Variants in COL11A1 observed in about 807,000 individuals in gnomAD.
The protein encoded by COL11A1 is collagen type XI alpha 1 chain.
In COL11A1, 74 loss-of-function variants were observed where a neutral mutation model predicts 265.2. The observed-to-expected ratio is 0.28, with a 90% CI of 0.23 to 0.34. The LOEUF is 0.34. COL11A1 is among the 10% of genes least tolerant of loss of function. The pLI, the probability that COL11A1 is intolerant of heterozygous loss-of-function variation, is 1.00. For synonymous variants in COL11A1, 816 were observed against 727.6 expected, an observed-to-expected ratio of 1.12 and a Z score of -1.96; for missense variants, 2,165 against 2,263.6, an observed-to-expected ratio of 0.96 and a Z score of 0.88.
At chr1:102,890,974 G>C (rs573046606) in intron 57 of COL11A1, among the ~76,000 whole-genome samples, 1 of 152,106 alleles carries the variant, frequency 6.6e-6, no homozygotes, top group Non-Finnish European at 1.5e-5. Context: ...TTAATACACT[G>C]TTTGGTTTGT....
intron 4 of COL11A1, among the ~76,000 whole-genome samples, chr1:103,045,722 C>T (rs1306494943): frequency 2.6e-5 from 4 of 151,902 alleles, no homozygotes; most frequent in Non-Finnish European, 5.9e-5. Flanking sequence ...CACCCACTAA[C>T]TCCTCATTTA....
At chr1:103,018,952 T>C (rs1229296228) in intron 9 of COL11A1, 93 bp from the exon 10 acceptor site, 6 of 980,870 alleles carry the variant, frequency 6.1e-6, no homozygotes, top group Non-Finnish European at 8.0e-6. Context: ...TCATTGCATA[T>C]TAAATAGTGA....
At chr1:102,920,578 T>C (rs185559366) in intron 48 of COL11A1, among the ~76,000 whole-genome samples, 15 of 152,284 alleles carry the variant, frequency 9.9e-5, no homozygotes, top group African/African-American at 3.6e-4. Context: ...TTCACTATAA[T>C]TTTGAAGATA....
Position 103,005,197 on chromosome 1 carries a change from TC to T in COL11A1, c.1846-537del, listed in dbSNP as rs1420630270. 6.6e-5 allele frequency among the ~76,000 whole-genome samples: 10 copies of T among 152,266 alleles called. No individual in the cohort carries two copies. The East Asian group carries it at 1.7e-3, about 26-fold the overall frequency. On this transcript the variant is annotated intron_variant, in intron 18 of 66. Transcript: ENST00000370096. Reference sequence around the variant, plus strand: ...GTTTTCTTTCCTTTTACTATTTTTTTCTTCTCCAATTTACTTAAAGCTTATC... The same window carrying T: ...GTTTTCTTTCCTTTTACTATTTTTTTTTCTCCAATTTACTTAAAGCTTATC...
At chr1:103,029,685 A>C in intron 5 of COL11A1, among the ~76,000 whole-genome samples, 1 of 152,042 alleles carries the variant, frequency 6.6e-6, no homozygotes, top group East Asian at 1.9e-4. Flanking sequence ...TTCTCATCAA[A>C]TGCTTCTAGT....
At position 103,001,682 on chromosome 1, in the gene COL11A1, C is replaced by T. The variant is rs192935490; in HGVS notation, c.2142+243G>A. ...CATACCGTTATGTTCCTGAAATTAACATAGCTGAGAATGCCACATTTGGAA... is the reference window on the plus strand; with the variant it reads ...CATACCGTTATGTTCCTGAAATTAATATAGCTGAGAATGCCACATTTGGAA... On this transcript the variant is annotated intron_variant, in intron 24 of 66. Transcript: ENST00000370096. 298 of 557,286 alleles carry T rather than the reference C, an allele frequency of 5.3e-4. 4 individuals carry two copies. The East Asian group carries it at 7.7e-3, about 14-fold the overall frequency. 34.5% of individuals were successfully genotyped at this position (557,286 alleles called of 1,614,324 possible).
intron 41 of COL11A1, among the ~76,000 whole-genome samples, chr1:102,956,807 GTC>G (rs1361496030): frequency 1.3e-5 from 2 of 151,092 alleles, no homozygotes; most frequent in Admixed American, 6.6e-5. Flanking sequence ...CTTCTGTACC[GTC>G]TCTATTTTGA....
In COL11A1 at chr1:103,027,442, T is replaced by TGC. The variant is rs1431744695; in HGVS notation, c.781-1111_781-1110insGC. On this transcript the variant is annotated intron_variant, in intron 5 of 66. Coordinates refer to ENST00000370096, the MANE Select transcript of COL11A1 (RefSeq NM_001854.4). ...ATATATATATATATATATATATATA[T>TGC]ATGCATGCATGCCGGGGCAATTTAT... Among the ~76,000 whole-genome samples the TGC allele has an allele frequency of 2.0e-3, 192 of 95,562 alleles. 2 individuals are homozygous for TGC. Among genetic ancestry groups the TGC allele is most frequent in the African/African-American group, 6.7e-3 (186 of 27,688 alleles). 62.7% of individuals were successfully genotyped at this position (95,562 alleles called of 152,430 possible).
At chr1:103,036,314 T>G (rs1668362522) in intron 4 of COL11A1, among the ~76,000 whole-genome samples, 1 of 81,436 alleles carries the variant, frequency 1.2e-5, no homozygotes, top group African/African-American at 4.0e-5. Flanking sequence ...AACAAAAAAG[T>G]TGCTATCGTA....
In COL11A1 at chr1:102,996,099, A is replaced by G. The variant is rs573151671; in HGVS notation, c.2242-57T>C. The G allele has an allele frequency of 3.9e-6, 6 of 1,540,512 alleles. No individual in the cohort carries two copies. In the Admixed American group the frequency reaches 6.8e-5, roughly 17 times the overall value. ...AATAAATTGAAAGTGCTACTCATTT[A>G]CATACTATAATTTTACCAACTAATC... On this transcript the variant is annotated intron_variant, in intron 26 of 66. Coordinates refer to ENST00000370096, the MANE Select transcript of COL11A1 (RefSeq NM_001854.4).
At chr1:102,889,350 C>A in intron 59 of COL11A1, 105 bp downstream of exon 59, 1 of 846,038 alleles carries the variant, frequency 1.2e-6, no homozygotes, top group Non-Finnish European at 2.0e-6. Context: ...AATTAAGACA[C>A]TCTAAATTCT....
intron 63 of COL11A1, among the ~76,000 whole-genome samples, chr1:102,885,528 G>A (rs1650856311): frequency 1.3e-5 from 2 of 151,916 alleles, no homozygotes; most frequent in Non-Finnish European, 2.9e-5. Flanking sequence ...TATTCTAATA[G>A]TCGCATAACT....
intron 42 of COL11A1, among the ~76,000 whole-genome samples, chr1:102,944,471 T>C (rs1659045636): frequency 6.6e-6 from 1 of 152,134 alleles, no homozygotes; most frequent in African/African-American, 2.4e-5. Context: ...GCTGGAGTTG[T>C]TGTCCTTGGC....
intron 3 of COL11A1, among the ~76,000 whole-genome samples, chr1:103,075,908 G>T (rs2102288230): frequency 6.6e-6 from 1 of 152,022 alleles, no homozygotes; most frequent in East Asian, 1.9e-4. Flanking sequence ...ATTGAGCAAA[G>T]ATTTATATAA....
intron 57 of COL11A1, among the ~76,000 whole-genome samples, chr1:102,893,492 C>T (rs1231877298): frequency 6.6e-6 from 1 of 152,006 alleles, no homozygotes; most frequent in African/African-American, 2.4e-5. Context: ...TCAAAAACAT[C>T]AACTCTGCAT....
intron 20 of COL11A1, among the ~76,000 whole-genome samples, chr1:103,004,214 G>T (rs1665388130): frequency 6.6e-6 from 1 of 151,922 alleles, no homozygotes; most frequent in Non-Finnish European, 1.5e-5. Flanking sequence ...AACTTTTTTG[G>T]CTGGAAATGT....
chr1:102,917,859 A>C (rs2101051613), intron 49 of COL11A1, among the ~76,000 whole-genome samples: 1 of 151,862 alleles, frequency 6.6e-6, no homozygotes, highest in African/African-American at 2.4e-5. Flanking sequence ...TTTTACTACA[A>C]AGTTTCATTT....
At chr1:103,072,154 A>G (rs1671641829) in intron 4 of COL11A1, among the ~76,000 whole-genome samples, 1 of 151,946 alleles carries the variant, frequency 6.6e-6, no homozygotes, top group South Asian at 2.1e-4. Flanking sequence ...GCATATGATG[A>G]GCATAATATG....
rs371230505 is a variant in COL11A1, at chr1:102,898,157, C to G, written c.4270G>C (p.Ala1424Pro). ...CCAGGTGGTCCATCTTGGCCTGCAGCTCCAGGGAGACCTTGTTCTCCCTAG... is the reference window on the plus strand; with the variant it reads ...CCAGGTGGTCCATCTTGGCCTGCAGGTCCAGGGAGACCTTGTTCTCCCTAG... Reference protein sequence around the residue: ...GPVGEQGLPGAAGQDGPPGPM... With the variant: ...GPVGEQGLPGPAGQDGPPGPM... The change falls in exon 57 of 67, where the codon GCT becomes CCT. Residue 1424 changes from alanine to proline, a missense_variant. Transcript: ENST00000370096. The G allele has an allele frequency of 2.0e-5, 30 of 1,489,094 alleles. No individual in the cohort carries two copies. The African/African-American group carries it at 4.1e-4, about 20-fold the overall frequency. The allele number at this position is 1,489,094 out of a possible 1,614,324, so 92.2% of individuals were successfully genotyped here. A position where few individuals can be genotyped will look rare whatever the true frequency, so the allele number is the denominator to read the frequency against.
Sources: allele counts gnomAD v4.1 joint callset (sites outside exome capture counted in the v4.1 genomes callset), GRCh38; gene constraint gnomAD v4.1.1; transcripts MANE v1.5; gene names NCBI Gene and HGNC (gene_info 2026-07-23, HGNC 2026-07-21).